PDE4D: variants seen among roughly 807,000 people sequenced by gnomAD.
PDE4D encodes the protein phosphodiesterase 4D, also known as 3',5'-cyclic-AMP phosphodiesterase 4D.
A neutral mutation model predicts 87.4 loss-of-function variants in PDE4D; 24 were observed. The observed-to-expected ratio is 0.27, with a 90% confidence interval of 0.20 to 0.39. The LOEUF (loss-of-function observed/expected upper bound fraction) is 0.39. PDE4D is among the 10% of genes least tolerant of loss of function. The pLI, the probability that PDE4D is intolerant of heterozygous loss-of-function variation, is 1.00. For synonymous variants in PDE4D, 384 were observed against 383.2 expected (o/e 1.00, Z -0.02); for missense variants, 714 against 1,041.0 (o/e 0.69, Z 4.32).
intron 1 of PDE4D, among the ~76,000 whole-genome samples, chr5:59,427,677 A>T (rs1159562932): frequency 6.6e-6 from 1 of 152,112 alleles, no homozygotes; most frequent in Non-Finnish European, 1.5e-5. Flanking sequence ...CTCTAAAAAC[A>T]AACAAAAAAA....
intron 2 of PDE4D, among the ~76,000 whole-genome samples, chr5:60,174,140 A>G (rs1783713392): frequency 6.6e-6 from 1 of 152,098 alleles, no homozygotes; most frequent in Non-Finnish European, 1.5e-5. Context: ...TAGAAATGGG[A>G]ACTAAATATG....
intron 1 of PDE4D, among the ~76,000 whole-genome samples, chr5:60,433,717 T>C (rs1434008870): frequency 6.6e-6 from 1 of 152,192 alleles, no homozygotes; most frequent in African/African-American, 2.4e-5. Flanking sequence ...GTGGTACATA[T>C]ACATTATGGA....
chr5:60,444,272 T>C (rs1458823618), intron 1 of PDE4D, among the ~76,000 whole-genome samples: 1 of 152,146 alleles, frequency 6.6e-6, no homozygotes, highest in African/African-American at 2.4e-5. Flanking sequence ...TTTTTTCTTA[T>C]GCAGTTACTT....
intron 1 of PDE4D, among the ~76,000 whole-genome samples, chr5:59,798,339 GT>G: frequency 6.6e-6 from 1 of 150,426 alleles, no homozygotes; most frequent in East Asian, 2.0e-4. Flanking sequence ...TTTAGTCATC[GT>G]ACCCACATGT....
intron 2 of PDE4D, among the ~76,000 whole-genome samples, chr5:60,046,018 G>A (rs1195496987): frequency 6.6e-6 from 1 of 152,082 alleles, no homozygotes; most frequent in Non-Finnish European, 1.5e-5. Flanking sequence ...TCTTCCATTT[G>A]TTTGTATCCT....
At chr5:59,853,043 C>T (rs958365011) in intron 1 of PDE4D, among the ~76,000 whole-genome samples, 1 of 152,010 alleles carries the variant, frequency 6.6e-6, no homozygotes, top group African/African-American at 2.4e-5. Context: ...TTTAACACTC[C>T]CTTAACACCT....
At chr5:60,091,233 A>G (rs1241330816) in intron 2 of PDE4D, among the ~76,000 whole-genome samples, 2 of 152,236 alleles carry the variant, frequency 1.3e-5, no homozygotes, top group Admixed American at 1.3e-4. Flanking sequence ...AATGAGAGAA[A>G]ATATTCGCAA....
chr5:59,987,324 ATTC>A (rs1325804865), intron 3 of PDE4D: 1 of 152,216 alleles, frequency 6.6e-6, no homozygotes, highest in Non-Finnish European at 1.5e-5. Context: ...ATGTGTGTGC[ATTC>A]TTCTTTAAAC....
At chr5:59,540,828 G>T (rs940564282) in intron 1 of PDE4D, among the ~76,000 whole-genome samples, 2 of 152,122 alleles carry the variant, frequency 1.3e-5, no homozygotes, top group Non-Finnish European at 2.9e-5. Context: ...AATCTCCTTT[G>T]CTCCAAAGAC....
chr5:60,097,260 T>C (rs563094748), intron 2 of PDE4D, among the ~76,000 whole-genome samples: 2 of 151,082 alleles, frequency 1.3e-5, no homozygotes, highest in South Asian at 2.1e-4. Flanking sequence ...TTGGATGCTA[T>C]GAAGTTGTGT....
chr5:60,264,777 G>A (rs1279756973), intron 1 of PDE4D, among the ~76,000 whole-genome samples: 1 of 152,140 alleles, frequency 6.6e-6, no homozygotes, highest in African/African-American at 2.4e-5. Flanking sequence ...TAGAGGTGAC[G>A]TGCACACCCT....
intron 1 of PDE4D, among the ~76,000 whole-genome samples, chr5:59,845,610 T>C (rs1229819698): frequency 6.6e-6 from 1 of 152,056 alleles, no homozygotes. Flanking sequence ...AAGACGTGGC[T>C]GGAACAAAAA....
At position 59,757,050 on chromosome 5, in the gene PDE4D, A is replaced by G. The variant is rs1447403472; in HGVS notation, c.455+136118T>C. 2.0e-5 allele frequency among the ~76,000 whole-genome samples: 3 copies of G among 152,074 alleles called. No homozygotes were observed. In the East Asian group the frequency reaches 5.8e-4, roughly 29 times the overall value. On this transcript the variant is annotated intron_variant, in intron 1 of 14. Coordinates refer to ENST00000340635, the MANE Select transcript of PDE4D (RefSeq NM_001104631.2). The stretch of plus-strand genomic sequence containing the variant: ...TGACCTCAAGTGATCCACGTGCCTC[A>G]GCCTCCCAAAGTGCTGGGATTACAG...
At chr5:59,047,995 G>A (rs1314312250) in intron 5 of PDE4D, among the ~76,000 whole-genome samples, 1 of 152,182 alleles carries the variant, frequency 6.6e-6, no homozygotes, top group Non-Finnish European at 1.5e-5. Context: ...TGTTGTTTAA[G>A]CCATCAGTTT....
chr5:60,099,291 G>A (rs907245315), intron 2 of PDE4D, among the ~76,000 whole-genome samples: 9 of 151,624 alleles, frequency 5.9e-5, no homozygotes, highest in East Asian at 5.8e-4. Context: ...TATTTTTTGC[G>A]TTGATCTTGC....
At chr5:60,220,951 C>A (rs919859436) in intron 1 of PDE4D, among the ~76,000 whole-genome samples, 2 of 152,000 alleles carry the variant, frequency 1.3e-5, no homozygotes, top group African/African-American at 4.8e-5. Flanking sequence ...GAAACCCTAG[C>A]CCAAGGAAAT....
intron 1 of PDE4D, among the ~76,000 whole-genome samples, chr5:59,409,177 AC>A (rs1792229173): frequency 6.6e-6 from 1 of 151,854 alleles, no homozygotes; most frequent in South Asian, 2.1e-4. Flanking sequence ...GGGAATGTTT[AC>A]CCAATGCCTG....
At chr5:59,264,123 T>C in intron 1 of PDE4D, among the ~76,000 whole-genome samples, 1 of 151,980 alleles carries the variant, frequency 6.6e-6, no homozygotes, top group South Asian at 2.1e-4. Context: ...ATATATAGAG[T>C]TATGATGAGA....
chr5:59,552,716 T>C (rs766525239), intron 1 of PDE4D, among the ~76,000 whole-genome samples: 3 of 152,220 alleles, frequency 2.0e-5, no homozygotes, highest in Non-Finnish European at 4.4e-5. Flanking sequence ...TTTCACCATA[T>C]TAATATGATG....
Sources: gnomAD v4.1 joint callset for allele counts (sites outside exome capture counted in the v4.1 genomes callset) on GRCh38, gnomAD v4.1.1 for gene constraint, MANE v1.5 for transcripts, NCBI Gene and HGNC (gene_info 2026-07-23, HGNC 2026-07-21) for gene names.